The following RUSC2 variants were observed in gnomAD, a reference collection of about 807,000 sequenced individuals.
The protein encoded by RUSC2 is AP-4 complex accessory subunit RUSC2.
Under a neutral mutation model 122.2 loss-of-function variants are expected in RUSC2, and 34 were observed. That is an observed-to-expected ratio of 0.28 (90% CI 0.21 to 0.37). The LOEUF is 0.37. Among genes scored for constraint, RUSC2 ranks in the 10% least tolerant of loss-of-function variants. The pLI is 1.00. For missense variants in RUSC2, 1,747 were observed against 1,952.4 expected, an observed-to-expected ratio of 0.89 and a Z score of 1.98; for synonymous variants, 784 against 790.0, an observed-to-expected ratio of 0.99 and a Z score of 0.13.
chr9:35,539,084 G>A (rs1351838858), intron 1 of RUSC2: 1 of 152,344 alleles, frequency 6.6e-6, no homozygotes, highest in African/African-American at 2.4e-5. Context: ...CGCATCAGGG[G>A]TCCAGCTCAA....
chr9:35,548,131 C>A lies in RUSC2; in HGVS notation c.1610C>A (p.Pro537Gln). ...GCAGCCATGGCCGGGCCTGGCTCCC[C>A]ACCCAGGAGGGTCACCTCCTTTGCC... Reference protein sequence around the residue: ...GPAAMAGPGSPPRRVTSFAEL... With the variant: ...GPAAMAGPGSQPRRVTSFAEL... Residue 537 changes from proline to glutamine, a missense_variant, in exon 2 of 12, where the codon CCA becomes CAA. Transcript: ENST00000361226. The surrounding 1 kb of genome is among the most constrained non-coding windows in gnomAD (Gnocchi z 4.5). 1 of 1,613,260 alleles carries A rather than the reference C, an allele frequency of 6.2e-7. No individual in the cohort carries two copies. The highest frequency in any genetic ancestry group is 8.5e-7 in the Non-Finnish European group (1 of 1,180,008).
chr9:35,529,260 T>A lies in RUSC2; in HGVS notation c.-92-17170T>A, dbSNP rs114742859. Among the ~76,000 whole-genome samples the A allele has an allele frequency of 8.5e-3, 1,292 of 152,022 alleles. 16 individuals are homozygous for A. Among genetic ancestry groups the A allele is most frequent in the African/African-American group, 0.029 (1,195 of 41,460 alleles). ...TGCCTTATAGGAGCCAGACAAATAA[T>A]GCAAATAAGTAAAATGAACCAGTGA... On this transcript the variant is annotated intron_variant, in intron 1 of 11. Transcript: ENST00000361226.
At chr9:35,539,788 T>C (rs1428809488) in intron 1 of RUSC2, among the ~76,000 whole-genome samples, 1 of 152,078 alleles carries the variant, frequency 6.6e-6, no homozygotes, top group African/African-American at 2.4e-5. Context: ...AAGCATAAGC[T>C]AACACTCCCA....
chr9:35,560,720 G>A lies in RUSC2; in HGVS notation c.4080G>A (p.Arg1360=). Residue 1360 remains arginine, a synonymous_variant, in exon 10 of 12, where the codon CGG becomes CGA. Transcript: ENST00000361226. ...DSVLAELRRS[R]EREGPAASPA... is the part of the protein sequence containing the mutation. ...TGCTGGCCGAGCTGAGGCGCAGTCG[G>A]GAGAGGGAAGGGCCCGCTGCCTCGC... 1 of 1,550,162 alleles carries A rather than the reference G, an allele frequency of 6.5e-7. No homozygotes were observed. The highest frequency in any genetic ancestry group is 2.3e-5 in the East Asian group (1 of 43,278).
At chr9:35,506,864 C>G (rs1345744093) in intron 1 of RUSC2, among the ~76,000 whole-genome samples, 1 of 152,104 alleles carries the variant, frequency 6.6e-6, no homozygotes, top group Non-Finnish European at 1.5e-5. Flanking sequence ...GTAATCAATG[C>G]TAGAACTTTG....
In RUSC2 at chr9:35,546,940, A is replaced by G. The variant is rs766740558; in HGVS notation, c.419A>G (p.Asn140Ser). The G allele has an allele frequency of 2.1e-5, 33 of 1,573,438 alleles. No individual in the cohort carries two copies. The highest frequency in any genetic ancestry group is 2.8e-5 in the Non-Finnish European group (32 of 1,158,728). Reference sequence around the variant, plus strand: ...CACCTGCATGGCACTGGCCAGCCCAACTTTCATCTATCCTCTTTCCAGCTG... The same window carrying G: ...CACCTGCATGGCACTGGCCAGCCCAGCTTTCATCTATCCTCTTTCCAGCTG... The part of the protein sequence containing the change: ...SFHLHGTGQP[N>S]FHLSSFQLPP... Residue 140 changes from asparagine to serine, a missense_variant, in exon 2 of 12, where the codon AAC becomes AGC. Transcript: ENST00000361226. This position sits in a 1 kb window ranked among gnomAD's most constrained non-coding sequence, Gnocchi z 4.3.
intron 1 of RUSC2, among the ~76,000 whole-genome samples, chr9:35,502,096 C>G (rs958319879): frequency 6.6e-6 from 1 of 152,132 alleles, no homozygotes; most frequent in African/African-American, 2.4e-5. Flanking sequence ...AAAAATCACC[C>G]GGATCACCCC....
chr9:35,496,227 G>A (rs1820710247), intron 1 of RUSC2, among the ~76,000 whole-genome samples: 1 of 152,082 alleles, frequency 6.6e-6, no homozygotes, highest in South Asian at 2.1e-4. Flanking sequence ...TCAATCGAGC[G>A]GGTTCTCAGG....
chr9:35,527,309 C>G (rs1171852050), intron 1 of RUSC2, among the ~76,000 whole-genome samples: 1 of 151,726 alleles, frequency 6.6e-6, no homozygotes, highest in East Asian at 1.9e-4. Context: ...TGCTTGCTTG[C>G]TTGCTTGCTT....
chr9:35,535,534 C>CTT (rs1174623935), intron 1 of RUSC2, among the ~76,000 whole-genome samples: 213 of 130,074 alleles, frequency 1.6e-3, no homozygotes, highest in East Asian at 3.8e-3. Context: ...AGGAGCTTCT[C>CTT]TTTTTTTTTT....
chr9:35,528,319 G>T (rs1821358320), intron 1 of RUSC2, among the ~76,000 whole-genome samples: 1 of 151,986 alleles, frequency 6.6e-6, no homozygotes, highest in South Asian at 2.1e-4. Context: ...CCCAACTCAA[G>T]GTTGCAGCGG....
In RUSC2 at chr9:35,558,099, G is replaced by A; in HGVS notation, c.3061-98G>A. ...TTTAGAGCCCAGGGTTGGGTACTTA[G>A]GAATGGGGACGGCAAGAGGGGAACC... On this transcript the variant is annotated intron_variant, in intron 6 of 11. Coordinates refer to ENST00000361226, the MANE Select transcript of RUSC2 (RefSeq NM_014806.5). The surrounding 1 kb of genome is among the most constrained non-coding windows in gnomAD (Gnocchi z 4.3). 2 of 1,587,186 alleles carry A rather than the reference G, an allele frequency of 1.3e-6. No individual in the cohort carries two copies. The highest frequency in any genetic ancestry group is 1.1e-5 in the South Asian group (1 of 90,172).
chr9:35,523,084 T>G lies in RUSC2; in HGVS notation c.-92-23346T>G, dbSNP rs1821246564. ...CTTGGACAGTTCCCAAAACTACTCA[T>G]TGTCTTGATTGTGGGAAATGCAAAA... On this transcript the variant is annotated intron_variant, in intron 1 of 11. Transcript: ENST00000361226. Among the ~76,000 whole-genome samples the G allele has an allele frequency of 2.0e-5, 3 of 152,362 alleles. No homozygotes were observed. In the South Asian group the frequency reaches 6.2e-4, roughly 32 times the overall value.
intron 1 of RUSC2, among the ~76,000 whole-genome samples, chr9:35,502,649 A>G (rs1041089161): frequency 6.6e-6 from 1 of 152,214 alleles, no homozygotes; most frequent in Non-Finnish European, 1.5e-5. Flanking sequence ...AGAATCTACA[A>G]AAGACAAGTA....
intron 1 of RUSC2, among the ~76,000 whole-genome samples, chr9:35,531,751 C>T (rs1304389539): frequency 1.3e-5 from 2 of 152,116 alleles, no homozygotes; most frequent in Non-Finnish European, 2.9e-5. Flanking sequence ...TTGGGCTGGG[C>T]GTGGTGGTTC....
intron 9 of RUSC2, 32 bp downstream of exon 9, chr9:35,559,304 A>C: frequency 6.4e-7 from 1 of 1,565,792 alleles, no homozygotes; most frequent in Non-Finnish European, 8.8e-7. Context: ...GTCAAACTCA[A>C]TGGGTCAGAA....
chr9:35,550,632 A>G (rs532302210), intron 2 of RUSC2, among the ~76,000 whole-genome samples: 4 of 151,980 alleles, frequency 2.6e-5, no homozygotes, highest in African/African-American at 9.7e-5. Flanking sequence ...TCTCAAAAAT[A>G]AAAAACAAAA....
intron 1 of RUSC2, among the ~76,000 whole-genome samples, chr9:35,514,539 G>C (rs1821068067): frequency 6.6e-6 from 1 of 152,178 alleles, no homozygotes; most frequent in Non-Finnish European, 1.5e-5. Flanking sequence ...CAGGTTAGAG[G>C]TTGATGTAGG....
Position 35,558,630 on chromosome 9 carries a change from G to A in RUSC2, c.3341+63G>A, listed in dbSNP as rs1387716348. ...GCCCTGCCCCCCACCCCCGGGCTCTGCCTGCACCAAGGAAACAACGCCCTG... is the reference window on the plus strand; with the variant it reads ...GCCCTGCCCCCCACCCCCGGGCTCTACCTGCACCAAGGAAACAACGCCCTG... On this transcript the variant is annotated intron_variant, in intron 8 of 11. Transcript: ENST00000361226. This position sits in a 1 kb window ranked among gnomAD's most constrained non-coding sequence, Gnocchi z 4.3. The A allele has an allele frequency of 8.0e-6, 11 of 1,369,744 alleles. No homozygotes were observed. In the African/African-American group the frequency reaches 1.1e-4, roughly 14 times the overall value. 84.8% of individuals were successfully genotyped at this position (1,369,744 alleles called of 1,614,324 possible).
Sources: gnomAD v4.1 joint callset for allele counts (sites outside exome capture counted in the v4.1 genomes callset) on GRCh38, gnomAD v4.1.1 for gene constraint, Gnocchi (gnomAD v3.1) non-coding constraint, MANE v1.5 for transcripts, NCBI Gene and HGNC (gene_info 2026-07-23, HGNC 2026-07-21) for gene names.